Variants in UBA5 observed in about 807,000 individuals in gnomAD.
The protein encoded by UBA5 is ubiquitin like modifier activating enzyme 5.
UBA5 carries 28 observed loss-of-function variants against 52.9 expected under a neutral mutation model. That is an observed-to-expected ratio of 0.53 (90% CI 0.39 to 0.73). UBA5 has a LOEUF of 0.73. UBA5 is among the 30% of genes least tolerant of loss of function. UBA5 has a pLI of 0.00. For synonymous variants in UBA5, 135 were observed against 162.1 expected (o/e 0.83, Z 1.27); for missense variants, 388 against 492.7 (o/e 0.79, Z 2.01).
At position 132,675,924 on chromosome 3, in the gene UBA5, G is replaced by T; in HGVS notation, c.1131+1G>T. The T allele has an allele frequency of 1.3e-6, 2 of 1,575,968 alleles. No homozygotes were observed. The highest frequency in any genetic ancestry group is 2.2e-5 in the East Asian group (1 of 44,454). On this transcript the variant is annotated splice_donor_variant, in intron 11 of 11. Coordinates refer to ENST00000356232, the MANE Select transcript of UBA5 (RefSeq NM_024818.6). LOFTEE classifies it high-confidence loss of function. ...AGTGGCATACACAATTCCAAAAAAG[G>T]TACTTCAAAAATATGATTTACCCAT...
At chr3:132,669,686 C>T (rs912129905) in intron 4 of UBA5, among the ~76,000 whole-genome samples, 12 of 152,322 alleles carry the variant, frequency 7.9e-5, no homozygotes, top group South Asian at 2.1e-4. Flanking sequence ...AGATTTGGCC[C>T]ATGGGCCACA....
In UBA5 at chr3:132,678,644, A is replaced by G. The variant is rs1387192656; in HGVS notation, c.*2118A>G. 6.6e-6 allele frequency among the ~76,000 whole-genome samples: 1 copy of G among 151,886 alleles called. No individual in the cohort carries two copies. Among genetic ancestry groups the G allele is most frequent in the Non-Finnish European group, 1.5e-5 (1 of 67,958 alleles). On this transcript the variant is annotated 3_prime_UTR_variant, in exon 12 of 12. Coordinates refer to ENST00000356232, the MANE Select transcript of UBA5 (RefSeq NM_024818.6). Reference sequence around the variant, plus strand: ...AAAAACGTAATGGCCACTTAAGAATATTTATTTATTTATTTATTTTTTTGA... The same window carrying G: ...AAAAACGTAATGGCCACTTAAGAATGTTTATTTATTTATTTATTTTTTTGA...
intron 1 of UBA5, among the ~76,000 whole-genome samples, chr3:132,655,220 G>C (rs1018492302): frequency 9.9e-5 from 15 of 152,260 alleles, no homozygotes; most frequent in South Asian, 8.3e-4. Context: ...ATATCTCCCT[G>C]CTGGAACACT....
chr3:132,664,857 T>C (rs1044613281), intron 1 of UBA5, among the ~76,000 whole-genome samples: 2 of 152,148 alleles, frequency 1.3e-5, no homozygotes, highest in Non-Finnish European at 2.9e-5. Context: ...ATGAAATTGA[T>C]AGAATACCTC....
At chr3:132,658,960 A>G (rs1937975442), upstream of UBA5, among the ~76,000 whole-genome samples, 1 of 152,238 alleles carries the variant, frequency 6.6e-6, no homozygotes, top group Non-Finnish European at 1.5e-5. Flanking sequence ...TCTGAATGAT[A>G]GGACTCTTTC....
chr3:132,656,446 C>T (rs1241765063), upstream of UBA5, among the ~76,000 whole-genome samples: 2 of 151,968 alleles, frequency 1.3e-5, no homozygotes, highest in Admixed American at 1.3e-4. Context: ...TAATTCACAC[C>T]CCTATATGAG....
At chr3:132,671,131 A>G in intron 6 of UBA5, 82 bp downstream of exon 6, 1 of 1,201,270 alleles carries the variant, frequency 8.3e-7, no homozygotes, top group Non-Finnish European at 1.2e-6. Context: ...TCCCCATCCT[A>G]AAAACAGTTC....
chr3:132,657,726 A>C (rs1937883094), upstream of UBA5, among the ~76,000 whole-genome samples: 1 of 152,114 alleles, frequency 6.6e-6, no homozygotes. Context: ...AATGCAGTTG[A>C]TTTCTGTACA....
At chr3:132,668,664 C>T (rs939566917) in intron 3 of UBA5, 154 bp from the exon 4 acceptor site, 6 of 502,256 alleles carry the variant, frequency 1.2e-5, no homozygotes, top group Admixed American at 3.7e-5. Flanking sequence ...CATGAGCATT[C>T]AATGAATTAA....
upstream of UBA5, among the ~76,000 whole-genome samples, chr3:132,656,815 A>T (rs1308623713): frequency 6.6e-6 from 1 of 151,242 alleles, no homozygotes; most frequent in East Asian, 1.9e-4. Context: ...TTTAAAAGTC[A>T]ATTTGGTGGT....
chr3:132,669,129 G>T (rs1008621272), intron 4 of UBA5, among the ~76,000 whole-genome samples: 2 of 152,202 alleles, frequency 1.3e-5, no homozygotes, highest in Admixed American at 6.5e-5. Context: ...TTGAGGGCCA[G>T]ATATTCTGTT....
chr3:132,664,946 A>G (rs779391652), intron 1 of UBA5, among the ~76,000 whole-genome samples: 1 of 152,150 alleles, frequency 6.6e-6, no homozygotes, highest in African/African-American at 2.4e-5. Context: ...TACATAGGAA[A>G]TTAAGCATCA....
chr3:132,657,712 G>T (rs906423051), upstream of UBA5, among the ~76,000 whole-genome samples: 3 of 152,072 alleles, frequency 2.0e-5, no homozygotes, highest in Non-Finnish European at 4.4e-5. Context: ...TGCTAAAGTA[G>T]AGAAATGCAG....
At chr3:132,669,077 C>G in intron 4 of UBA5, 150 bp downstream of exon 4, 1 of 539,972 alleles carries the variant, frequency 1.9e-6, no homozygotes, top group Non-Finnish European at 3.1e-6. Flanking sequence ...CATGGGTTGG[C>G]AAACTTTTTA....
At chr3:132,654,620 T>C (rs1211384789) in exon 1 of UBA5, 2 of 152,218 alleles carry the variant, frequency 1.3e-5, no homozygotes, top group Non-Finnish European at 2.9e-5. Flanking sequence ...AGGCCTCCTT[T>C]CCTTTGGCTG....
chr3:132,660,504 CGG>C lies in UBA5; in HGVS notation c.-32_-31del. On this transcript the variant is annotated 5_prime_UTR_variant, in exon 1 of 12. Coordinates refer to ENST00000356232, the MANE Select transcript of UBA5 (RefSeq NM_024818.6). The surrounding 1 kb of genome is among the most constrained non-coding windows in gnomAD (Gnocchi z 4.1). ...TGGGGCGAAGGCGGCGGCGAAGGCCCGGGCTGGGAGCGTTGGCGGCCGGAGTC... is the reference window on the plus strand; with the variant it reads ...TGGGGCGAAGGCGGCGGCGAAGGCCCGCTGGGAGCGTTGGCGGCCGGAGTC... The C allele has an allele frequency of 1.3e-6, 2 of 1,545,154 alleles. No homozygotes were observed. The highest frequency in any genetic ancestry group is 1.7e-6 in the Non-Finnish European group (2 of 1,146,058).
At chr3:132,674,307 C>T (rs937801221) in intron 8 of UBA5, among the ~76,000 whole-genome samples, 9 of 152,140 alleles carry the variant, frequency 5.9e-5, no homozygotes, top group African/African-American at 2.2e-4. Flanking sequence ...TGTATAGAAG[C>T]TTTTATTATG....
At chr3:132,672,854 T>A (rs1326895893) in intron 8 of UBA5, among the ~76,000 whole-genome samples, 1 of 152,210 alleles carries the variant, frequency 6.6e-6, no homozygotes, top group Non-Finnish European at 1.5e-5. Context: ...TGCTGAAATT[T>A]ATGTCACAGT....
At chr3:132,673,366 G>A (rs960083759) in intron 8 of UBA5, among the ~76,000 whole-genome samples, 3 of 151,160 alleles carry the variant, frequency 2.0e-5, no homozygotes, top group Non-Finnish European at 2.9e-5. Context: ...TGTTTTTTTG[G>A]AGACAAGGTC....
Sources: allele counts gnomAD v4.1 joint callset (sites outside exome capture counted in the v4.1 genomes callset), GRCh38; gene constraint gnomAD v4.1.1; non-coding constraint Gnocchi (gnomAD v3.1); transcripts MANE v1.5; gene names NCBI Gene and HGNC (gene_info 2026-07-23, HGNC 2026-07-21).